Variants in HSD17B3 observed in about 807,000 individuals in gnomAD.
HSD17B3 encodes hydroxysteroid 17-beta dehydrogenase 3.
HSD17B3 carries 29 observed loss-of-function variants against 41.1 expected under a neutral mutation model. The ratio of observed to expected loss-of-function variants is 0.71; its 90% CI spans 0.53 to 0.96. The LOEUF (loss-of-function observed/expected upper bound fraction) is 0.96, where lower values mean the gene tolerates loss of function less well. Among genes scored for constraint, HSD17B3 ranks in the 40% least tolerant of loss-of-function variants. The pLI, the probability that HSD17B3 is intolerant of heterozygous loss-of-function variation, is 0.00. For synonymous variants in HSD17B3, 126 were observed against 145.6 expected (o/e 0.87, Z 0.97); for missense variants, 323 against 374.6 (o/e 0.86, Z 1.14).
intron 2 of HSD17B3, among the ~76,000 whole-genome samples, chr9:96,285,722 T>C (rs112950115): frequency 1.5e-4 from 23 of 152,256 alleles, no homozygotes; most frequent in Non-Finnish European, 2.2e-4. Flanking sequence ...CCTCACAATA[T>C]TGATGCCTTC....
At chr9:96,263,769 G>T (rs529712579) in intron 2 of HSD17B3, among the ~76,000 whole-genome samples, 1 of 151,832 alleles carries the variant, frequency 6.6e-6, no homozygotes. Context: ...TAAGCTACAA[G>T]AACAAGAATA....
intron 2 of HSD17B3, among the ~76,000 whole-genome samples, chr9:96,269,909 G>GAAAAAAAAAAAAAAA (rs59947729): frequency 9.6e-6 from 1 of 103,880 alleles, no homozygotes; most frequent in African/African-American, 3.7e-5. Flanking sequence ...ATCTTAAAAA[G>GAAAAAAAAAAAAAAA]AAAAAAAAAA....
chr9:96,282,687 A>C (rs898091598), intron 2 of HSD17B3, among the ~76,000 whole-genome samples: 1 of 152,262 alleles, frequency 6.6e-6, no homozygotes, highest in African/African-American at 2.4e-5. Flanking sequence ...CACCAGAAGT[A>C]AAAGTTGCTA....
At chr9:96,284,826 G>A (rs1396655680) in intron 2 of HSD17B3, among the ~76,000 whole-genome samples, 1 of 144,972 alleles carries the variant, frequency 6.9e-6, no homozygotes, top group Non-Finnish European at 1.5e-5. Flanking sequence ...ATGGAACAGA[G>A]TTTCATCAAA....
intron 2 of HSD17B3, among the ~76,000 whole-genome samples, chr9:96,264,303 T>C (rs1213651094): frequency 2.6e-5 from 4 of 151,506 alleles, no homozygotes; most frequent in Non-Finnish European, 5.9e-5. Context: ...ATTAGGAAGG[T>C]TGCACATGGG....
chr9:96,279,262 C>T (rs1159901143), intron 2 of HSD17B3, among the ~76,000 whole-genome samples: 1 of 152,148 alleles, frequency 6.6e-6, no homozygotes, highest in African/African-American at 2.4e-5. Context: ...ACAACTTGGT[C>T]TTACATGTTT....
intron 2 of HSD17B3, among the ~76,000 whole-genome samples, chr9:96,256,827 A>G (rs1166024531): frequency 1.3e-5 from 2 of 151,834 alleles, no homozygotes; most frequent in Non-Finnish European, 2.9e-5. Flanking sequence ...GATTCCCACC[A>G]AACCGTCTGA....
At chr9:96,242,226 A>G (rs1257854035) in intron 9 of HSD17B3, among the ~76,000 whole-genome samples, 1 of 152,208 alleles carries the variant, frequency 6.6e-6, no homozygotes, top group Non-Finnish European at 1.5e-5. Context: ...TTTGAGAAAT[A>G]TAAGGAGTGT....
chr9:96,247,856 C>A (rs1023698005), intron 6 of HSD17B3, among the ~76,000 whole-genome samples: 2 of 152,132 alleles, frequency 1.3e-5, no homozygotes, highest in Non-Finnish European at 2.9e-5. Context: ...TTCTCCCATC[C>A]CTGCCCCGAA....
intron 2 of HSD17B3, among the ~76,000 whole-genome samples, chr9:96,275,613 A>C (rs1826421667): frequency 6.6e-6 from 1 of 151,976 alleles, no homozygotes; most frequent in African/African-American, 2.4e-5. Context: ...AACTCTTTCT[A>C]CAAAAACACA....
intron 2 of HSD17B3, among the ~76,000 whole-genome samples, chr9:96,257,328 T>C (rs540834267): frequency 3.3e-5 from 5 of 152,248 alleles, no homozygotes; most frequent in African/African-American, 7.2e-5. Context: ...TACATCCTCA[T>C]TGTAGAAGAT....
intron 9 of HSD17B3, 107 bp downstream of exon 9, chr9:96,244,222 G>A: frequency 1.2e-5 from 13 of 1,063,922 alleles, no homozygotes; most frequent in Non-Finnish European, 1.8e-5. Flanking sequence ...AGACCCACAG[G>A]AGGCAGTGGC....
intron 9 of HSD17B3, 48 bp downstream of exon 9, chr9:96,244,281 C>T (rs1836568152): frequency 7.5e-6 from 12 of 1,592,544 alleles, no homozygotes; most frequent in Non-Finnish European, 1.0e-5. Context: ...CTCACAGCCG[C>T]CCACCTCACC....
intron 2 of HSD17B3, among the ~76,000 whole-genome samples, chr9:96,277,722 A>C (rs1158062027): frequency 6.6e-6 from 1 of 152,168 alleles, no homozygotes; most frequent in Non-Finnish European, 1.5e-5. Context: ...AGGAAATGAA[A>C]TCAGTATGTC....
rs924535366 is a variant in HSD17B3, at chr9:96,290,479, T to C, written c.201+7937A>G. Among the ~76,000 whole-genome samples the C allele has an allele frequency of 2.6e-4, 38 of 146,524 alleles. 1 individual carries two copies. The highest frequency in any genetic ancestry group is 5.2e-4 in the Non-Finnish European group (35 of 66,908). On this transcript the variant is annotated intron_variant, in intron 2 of 10. Coordinates refer to ENST00000375263, the MANE Select transcript of HSD17B3 (RefSeq NM_000197.2). ...GGCTTTTTTTTTTTTTTTTTTTTTT[T>C]CCACATATCCCAGACATTGCTGGAG...
chr9:96,257,960 G>A (rs536924078), intron 2 of HSD17B3, among the ~76,000 whole-genome samples: 3 of 152,170 alleles, frequency 2.0e-5, no homozygotes, highest in South Asian at 2.1e-4. Context: ...CACCCCACCC[G>A]GCCCCTTTAT....
At chr9:96,285,931 A>G (rs1429931331) in intron 2 of HSD17B3, among the ~76,000 whole-genome samples, 1 of 152,156 alleles carries the variant, frequency 6.6e-6, no homozygotes, top group African/African-American at 2.4e-5. Context: ...CTTAAGTAGG[A>G]GCTGAGTAAA....
intron 2 of HSD17B3, among the ~76,000 whole-genome samples, chr9:96,296,807 C>T (rs1391966480): frequency 6.6e-6 from 1 of 151,986 alleles, no homozygotes; most frequent in African/African-American, 2.4e-5. Context: ...TATGGGAGGC[C>T]AAAGCAGGCA....
chr9:96,293,553 TTCTC>T (rs969770107), intron 2 of HSD17B3, among the ~76,000 whole-genome samples: 27 of 141,658 alleles, frequency 1.9e-4, no homozygotes, highest in Admixed American at 4.7e-4. Flanking sequence ...TCTCCCACTC[TTCTC>T]TCTCTGTCTC....
Sources: allele counts gnomAD v4.1 joint callset (sites outside exome capture counted in the v4.1 genomes callset), GRCh38; gene constraint gnomAD v4.1.1; transcripts MANE v1.5; gene names NCBI Gene and HGNC (gene_info 2026-07-23, HGNC 2026-07-21).